Variants in GCSAML observed in about 807,000 individuals in gnomAD.
GCSAML encodes the protein germinal center associated signaling and motility like.
GCSAML carries 9 observed loss-of-function variants against 13.0 expected under a neutral mutation model. The observed-to-expected ratio is 0.69, with a 90% CI of 0.42 to 1.21. The LOEUF is 1.21. Among genes scored for constraint, GCSAML ranks in the 50% most tolerant of loss-of-function variants. The pLI is 0.00. For missense variants in GCSAML, 143 were observed against 153.4 expected (o/e 0.93, Z 0.36); for synonymous variants, 37 against 52.9 (o/e 0.70, Z 1.31).
chr1:247,511,200 T>G (rs551583326), intron 1 of GCSAML, among the ~76,000 whole-genome samples: 100 of 152,296 alleles, frequency 6.6e-4, no homozygotes, highest in African/African-American at 2.4e-3. Context: ...ATCTGGGCGC[T>G]CCTATATTGG....
chr1:247,531,337 C>A, intron 2 of GCSAML: 2 of 588,884 alleles, frequency 3.4e-6, no homozygotes, highest in Non-Finnish European at 6.0e-6. Flanking sequence ...ATAGCAAAAA[C>A]CAACAACGCA....
At chr1:247,521,605 C>G (rs1666431088) in intron 1 of GCSAML, among the ~76,000 whole-genome samples, 1 of 152,206 alleles carries the variant, frequency 6.6e-6, no homozygotes, top group Non-Finnish European at 1.5e-5. Context: ...TGGACTCCAG[C>G]TCCTAACCGC....
chr1:247,510,289 T>C (rs920683981), intron 1 of GCSAML, among the ~76,000 whole-genome samples: 5 of 152,224 alleles, frequency 3.3e-5, no homozygotes, highest in Admixed American at 6.5e-5. Flanking sequence ...TTTATTTGCA[T>C]AGAGGTGTTT....
chr1:247,542,371 C>A (rs1220171462), intron 2 of GCSAML, among the ~76,000 whole-genome samples: 2 of 152,156 alleles, frequency 1.3e-5, no homozygotes, highest in Non-Finnish European at 2.9e-5. Context: ...AAAGTAACTC[C>A]TTGTAGAATA....
At position 247,574,767 on chromosome 1, in the gene GCSAML, A is replaced by AT. The variant is rs1668771734; in HGVS notation, c.*386dup. On this transcript the variant is annotated 3_prime_UTR_variant, in exon 5 of 5. Transcript: ENST00000366488. ...CCTGAAAGACTGAATTCTGGCCATG[A>AT]TAGGAAGGGAGGTGAGACACACCTT... is the stretch of plus-strand genomic sequence containing the variant. The AT allele has an allele frequency of 4.6e-6, 1 of 215,590 alleles. No individual in the cohort carries two copies. The highest frequency in any genetic ancestry group is 2.3e-5 in the African/African-American group (1 of 43,084). 13.4% of individuals were successfully genotyped at this position (215,590 alleles called of 1,614,324 possible).
chr1:247,550,411 G>A (rs1667727394), intron 1 of GCSAML, among the ~76,000 whole-genome samples: 2 of 152,158 alleles, frequency 1.3e-5, no homozygotes, highest in Non-Finnish European at 2.9e-5. Context: ...GCCGAGGCGG[G>A]TGGATCACGA....
chr1:247,561,294 G>T (rs1327605138), intron 2 of GCSAML, among the ~76,000 whole-genome samples: 1 of 152,058 alleles, frequency 6.6e-6, no homozygotes, highest in African/African-American at 2.4e-5. Context: ...CATATTTGGG[G>T]GGTACATGTG....
intron 2 of GCSAML, among the ~76,000 whole-genome samples, chr1:247,542,908 G>A (rs10436937): frequency 0.31 from 47,366 of 152,232 alleles, 7,525 homozygotes; most frequent in Middle Eastern, 0.43. Context: ...ATTGTCTACA[G>A]TTAGTTGGCA....
At chr1:247,516,869 C>T (rs985549217) in intron 1 of GCSAML, among the ~76,000 whole-genome samples, 1 of 152,028 alleles carries the variant, frequency 6.6e-6, no homozygotes, top group Non-Finnish European at 1.5e-5. Context: ...CAGTTAATTT[C>T]TTAATTATAG....
intron 1 of GCSAML, among the ~76,000 whole-genome samples, chr1:247,522,024 C>T (rs1454161308): frequency 6.6e-5 from 10 of 151,222 alleles, no homozygotes; most frequent in African/African-American, 2.4e-4. Flanking sequence ...CGCCTCTGCC[C>T]GGCCGCAACC....
intron 2 of GCSAML, chr1:247,532,255 AGGTTAGCCAG>A: frequency 1.2e-6 from 2 of 1,614,176 alleles, no homozygotes. Flanking sequence ...TGGTCCCCAG[AGGTTAGCCAG>A]GAGCTGTGGG....
In GCSAML at chr1:247,541,711, G is replaced by T. The variant is rs966916397; in HGVS notation, c.-147-7334G>T. Among the ~76,000 whole-genome samples, 14 of 152,216 alleles carry T rather than the reference G, an allele frequency of 9.2e-5. No homozygotes were observed. The East Asian group carries it at 2.5e-3, about 27-fold the overall frequency. On this transcript the variant is annotated intron_variant, in intron 2 of 5. Transcript: ENST00000366489. ...AGAATGGCAGAGGACTCCTAGAAAA[G>T]ATGGATAGAAAAACCTGGCTGAGCA...
In GCSAML at chr1:247,526,388, A is replaced by G. The variant is rs1470284490; in HGVS notation, c.-262-552A>G. The G allele has an allele frequency of 6.6e-6, 1 of 152,464 alleles. No individual in the cohort carries two copies. The highest frequency in any genetic ancestry group is 2.1e-4 in the South Asian group (1 of 4,830). The allele number at this position is 152,464 out of a possible 1,614,324, so 9.4% of individuals were successfully genotyped here. A position where few individuals can be genotyped will look rare whatever the true frequency, so the allele number is the denominator to read the frequency against. On this transcript the variant is annotated intron_variant, in intron 1 of 5. Transcript: ENST00000366489. This position sits in a 1 kb window ranked among gnomAD's most constrained non-coding sequence, Gnocchi z 4.8. ...AAATTACCTTAGTCTGGGTGTTTCC[A>G]AGGCAGAAGCTGTGTCCAGTGCACA... is the stretch of plus-strand genomic sequence containing the variant.
intron 1 of GCSAML, among the ~76,000 whole-genome samples, chr1:247,522,259 G>A: frequency 9.7e-6 from 1 of 102,878 alleles, no homozygotes; most frequent in East Asian, 2.3e-4. Flanking sequence ...GTGGGGGGCA[G>A]CCCCCACCCG....
At chr1:247,536,361 A>G (rs1667217928) in intron 2 of GCSAML, 1 of 152,236 alleles carries the variant, frequency 6.6e-6, no homozygotes, top group African/African-American at 2.4e-5. Flanking sequence ...CAGACGTGTT[A>G]GATTCTGTTC....
chr1:247,523,478 T>C (rs1666531360), intron 1 of GCSAML, among the ~76,000 whole-genome samples: 1 of 152,186 alleles, frequency 6.6e-6, no homozygotes, highest in Admixed American at 6.5e-5. Flanking sequence ...CAAGGATTCA[T>C]AGTCAAGTGA....
chr1:247,547,327 C>G (rs549738749), upstream of GCSAML, among the ~76,000 whole-genome samples: 2 of 152,144 alleles, frequency 1.3e-5, no homozygotes, highest in Non-Finnish European at 2.9e-5. Flanking sequence ...TTTCACGTAG[C>G]TCCTATCCAT....
chr1:247,512,104 T>A (rs1041585662), intron 1 of GCSAML, among the ~76,000 whole-genome samples: 2 of 152,160 alleles, frequency 1.3e-5, no homozygotes, highest in Admixed American at 6.5e-5. Context: ...AGAGTGTTTT[T>A]CAACTTGGTT....
intron 1 of GCSAML, among the ~76,000 whole-genome samples, chr1:247,513,837 T>C (rs1269037368): frequency 6.6e-6 from 1 of 152,196 alleles, no homozygotes; most frequent in Non-Finnish European, 1.5e-5. Flanking sequence ...CTCTGTGGGC[T>C]GCACCCACTT....
Sources: gnomAD v4.1 joint callset for allele counts (sites outside exome capture counted in the v4.1 genomes callset) on GRCh38, gnomAD v4.1.1 for gene constraint, Gnocchi (gnomAD v3.1) non-coding constraint, MANE v1.5 for transcripts, NCBI Gene and HGNC (gene_info 2026-07-23, HGNC 2026-07-21) for gene names.